Variants in FRMD4A observed in about 807,000 individuals in gnomAD.
FRMD4A encodes the protein FERM domain-containing protein 4A.
A neutral mutation model predicts 129.1 loss-of-function variants in FRMD4A; 29 were observed. The observed-to-expected ratio is 0.22, with a 90% confidence interval of 0.17 to 0.31. FRMD4A has a LOEUF of 0.31. Ranked by LOEUF, FRMD4A falls within the 10% of genes least tolerant of loss-of-function variation. The pLI is 1.00. For missense variants in FRMD4A, 1,272 were observed against 1,375.8 expected (o/e 0.92, Z 1.19); for synonymous variants, 634 against 571.6 (o/e 1.11, Z -1.56).
At chr10:14,240,018 C>T (rs1243727148) in intron 2 of FRMD4A, among the ~76,000 whole-genome samples, 2 of 152,162 alleles carry the variant, frequency 1.3e-5, no homozygotes, top group African/African-American at 4.8e-5. Context: ...TAAATCAAAT[C>T]ATGTATTGAT....
intron 3 of FRMD4A, among the ~76,000 whole-genome samples, chr10:13,830,228 T>G (rs1242230912): frequency 5.9e-5 from 9 of 152,180 alleles, no homozygotes; most frequent in Non-Finnish European, 1.2e-4. Context: ...GCGCTGTCCC[T>G]CCTCGGCCCT....
intron 2 of FRMD4A, among the ~76,000 whole-genome samples, chr10:14,119,038 TGGA>T (rs1408015008): frequency 3.9e-5 from 6 of 152,112 alleles, no homozygotes; most frequent in Admixed American, 3.9e-4. Flanking sequence ...AGGCCTTTGT[TGGA>T]GGAGGTCTTA....
At chr10:13,759,793 A>C (rs532330448) in intron 8 of FRMD4A, among the ~76,000 whole-genome samples, 235 of 152,320 alleles carry the variant, frequency 1.5e-3, no homozygotes, top group Non-Finnish European at 2.5e-3. Flanking sequence ...TCTCCAGCCA[A>C]AGCTACTTAC....
chr10:14,263,901 C>A (rs757981654), intron 2 of FRMD4A, among the ~76,000 whole-genome samples: 9 of 152,146 alleles, frequency 5.9e-5, no homozygotes, highest in Non-Finnish European at 1.2e-4. Flanking sequence ...TAGATTGGAA[C>A]TGGGGAATAA....
intron 2 of FRMD4A, among the ~76,000 whole-genome samples, chr10:13,967,478 G>A (rs1330614351): frequency 6.6e-6 from 1 of 152,188 alleles, no homozygotes. Flanking sequence ...CAAACCACCG[G>A]TGCAGAACTT....
chr10:13,867,255 TG>T (rs893118433), intron 2 of FRMD4A, among the ~76,000 whole-genome samples: 27 of 152,084 alleles, frequency 1.8e-4, no homozygotes, highest in African/African-American at 4.6e-4. Context: ...ATTTTTTGTT[TG>T]TTTTTTTGTT....
At chr10:14,315,939 T>C (rs1299374954) in intron 2 of FRMD4A, among the ~76,000 whole-genome samples, 10 of 152,196 alleles carry the variant, frequency 6.6e-5, no homozygotes, top group Non-Finnish European at 1.5e-4. Context: ...GTCCCTGTTC[T>C]CAAGAAAGTT....
chr10:13,799,433 C>T (rs895186517), intron 4 of FRMD4A, among the ~76,000 whole-genome samples: 1 of 152,240 alleles, frequency 6.6e-6, no homozygotes, highest in Non-Finnish European at 1.5e-5. Context: ...CCTGGGATGA[C>T]AGAGGTGAAT....
chr10:14,170,899 C>T (rs1045157780), intron 2 of FRMD4A, among the ~76,000 whole-genome samples: 2 of 148,854 alleles, frequency 1.3e-5, no homozygotes, highest in African/African-American at 5.2e-5. Flanking sequence ...CTTCAGATTA[C>T]ACTCCTTACA....
intron 2 of FRMD4A, among the ~76,000 whole-genome samples, chr10:13,983,967 T>A (rs1169669434): frequency 6.6e-6 from 1 of 151,380 alleles, no homozygotes; most frequent in Non-Finnish European, 1.5e-5. Context: ...TGCGCCACTG[T>A]ACTCCAGCCT....
chr10:14,185,231 T>C (rs1278311724), intron 2 of FRMD4A, among the ~76,000 whole-genome samples: 1 of 152,220 alleles, frequency 6.6e-6, no homozygotes, highest in African/African-American at 2.4e-5. Flanking sequence ...CTAATTTGCA[T>C]GTCTATTTCA....
chr10:13,654,027 A>G (rs2081918361), intron 23 of FRMD4A: 2 of 368,460 alleles, frequency 5.4e-6, no homozygotes, highest in South Asian at 1.2e-4. Context: ...GCCCCAGTGT[A>G]TTTGCTGTCT....
intron 2 of FRMD4A, among the ~76,000 whole-genome samples, chr10:14,186,168 G>A (rs1476130311): frequency 6.6e-6 from 1 of 151,838 alleles, no homozygotes; most frequent in Non-Finnish European, 1.5e-5. Context: ...AAAAAGACTG[G>A]CCAAAATGCT....
intron 2 of FRMD4A, among the ~76,000 whole-genome samples, chr10:14,321,062 T>G (rs1843027385): frequency 6.6e-6 from 1 of 152,352 alleles, no homozygotes; most frequent in East Asian, 1.9e-4. Context: ...TGTGTTATTT[T>G]TATTTTTATT....
At chr10:14,021,400 TA>T (rs1042894265) in intron 2 of FRMD4A, among the ~76,000 whole-genome samples, 11 of 148,340 alleles carry the variant, frequency 7.4e-5, no homozygotes, top group Non-Finnish European at 1.0e-4. Context: ...AAAAAAATAA[TA>T]AAAAAAACAG....
chr10:13,732,009 T>C lies in FRMD4A; in HGVS notation c.759+5835A>G, dbSNP rs138249120. On this transcript the variant is annotated intron_variant, in intron 12 of 24. Coordinates refer to ENST00000357447, the MANE Select transcript of FRMD4A (RefSeq NM_018027.5). ...CAATGAAGCTGTGATTTTCGATTTT[T>C]TGACAAACTCCAGCAGCTTGCATTG... Among the ~76,000 whole-genome samples, 344 of 152,258 alleles carry C rather than the reference T, an allele frequency of 2.3e-3. 2 individuals are homozygous for C. Among genetic ancestry groups the C allele is most frequent in the African/African-American group, 7.5e-3 (310 of 41,558 alleles).
intron 24 of FRMD4A, among the ~76,000 whole-genome samples, chr10:13,650,333 C>A (rs1317932217): frequency 6.6e-6 from 1 of 152,132 alleles, no homozygotes; most frequent in Non-Finnish European, 1.5e-5. Context: ...CTAGAGGCAT[C>A]CTGTCTTACC....
At chr10:14,110,208 T>G (rs987920349) in intron 2 of FRMD4A, among the ~76,000 whole-genome samples, 10 of 147,600 alleles carry the variant, frequency 6.8e-5, no homozygotes, top group Middle Eastern at 3.2e-3. Flanking sequence ...ACAGATGTGG[T>G]TAAAAAAAAA....
chr10:13,837,333 C>T (rs185533337), intron 3 of FRMD4A, among the ~76,000 whole-genome samples: 4 of 152,264 alleles, frequency 2.6e-5, no homozygotes, highest in Admixed American at 6.5e-5. Context: ...CCTACTGGGC[C>T]GAGCCCAGCA....
Sources: allele counts gnomAD v4.1 joint callset (sites outside exome capture counted in the v4.1 genomes callset), GRCh38; gene constraint gnomAD v4.1.1; transcripts MANE v1.5; gene names NCBI Gene and HGNC (gene_info 2026-07-23, HGNC 2026-07-21).